FSTL5: variants seen among roughly 807,000 people sequenced by gnomAD.
The protein encoded by FSTL5 is follistatin-related protein 5.
Under a neutral mutation model 89.1 loss-of-function variants are expected in FSTL5, and 62 were observed. The observed-to-expected ratio is 0.70, with a 90% CI of 0.57 to 0.86. FSTL5 has a LOEUF of 0.86. Ranked by LOEUF, FSTL5 falls within the 40% of genes least tolerant of loss-of-function variation. FSTL5 has a pLI of 0.00. For synonymous variants in FSTL5, 383 were observed against 346.2 expected, an observed-to-expected ratio of 1.11 and a Z score of -1.18; for missense variants, 1,057 against 1,001.6, an observed-to-expected ratio of 1.06 and a Z score of -0.75.
intron 15 of FSTL5, among the ~76,000 whole-genome samples, chr4:161,400,173 T>G (rs1354987539): frequency 6.6e-6 from 1 of 152,146 alleles, no homozygotes; most frequent in African/African-American, 2.4e-5. Flanking sequence ...AAAAAATCAG[T>G]GAACCTGTGG....
intron 10 of FSTL5, among the ~76,000 whole-genome samples, chr4:161,511,352 C>A (rs1211795147): frequency 2.0e-5 from 3 of 152,126 alleles, no homozygotes; most frequent in Non-Finnish European, 4.4e-5. Context: ...CAGTTTTCAG[C>A]ATCTGCTATA....
chr4:161,860,112 C>T (rs1276339937), intron 4 of FSTL5, among the ~76,000 whole-genome samples: 5 of 151,962 alleles, frequency 3.3e-5, no homozygotes, highest in Non-Finnish European at 7.4e-5. Flanking sequence ...CGCAGTGAAA[C>T]CCCGTCTCTA....
At chr4:161,833,706 C>T (rs1730929191) in intron 4 of FSTL5, among the ~76,000 whole-genome samples, 1 of 151,906 alleles carries the variant, frequency 6.6e-6, no homozygotes, top group South Asian at 2.1e-4. Flanking sequence ...ATTGCAACCC[C>T]TGCCTTTTTT....
At chr4:161,867,326 TATTTA>T (rs1347881320) in intron 4 of FSTL5, among the ~76,000 whole-genome samples, 1 of 152,080 alleles carries the variant, frequency 6.6e-6, no homozygotes, top group African/African-American at 2.4e-5. Flanking sequence ...GGTATTGATA[TATTTA>T]ATTTATCAGT....
At chr4:161,729,190 A>C (rs1739518697) in intron 6 of FSTL5, among the ~76,000 whole-genome samples, 1 of 152,172 alleles carries the variant, frequency 6.6e-6, no homozygotes, top group Non-Finnish European at 1.5e-5. Flanking sequence ...CTACAATTCA[A>C]GGTATCTTTT....
intron 4 of FSTL5, among the ~76,000 whole-genome samples, chr4:161,862,426 CAAG>C (rs1731946817): frequency 6.6e-6 from 1 of 152,046 alleles, no homozygotes; most frequent in Non-Finnish European, 1.5e-5. Context: ...GGAATGATTA[CAAG>C]AAGTCACTAT....
intron 6 of FSTL5, among the ~76,000 whole-genome samples, chr4:161,755,429 T>C (rs980220362): frequency 9.9e-5 from 15 of 152,100 alleles, no homozygotes; most frequent in African/African-American, 3.6e-4. Flanking sequence ...CGGATTACCC[T>C]TTACTATCTT....
intron 8 of FSTL5, among the ~76,000 whole-genome samples, chr4:161,569,981 C>G (rs986624875): frequency 6.6e-6 from 1 of 152,124 alleles, no homozygotes; most frequent in Non-Finnish European, 1.5e-5. Context: ...TTTCCAGAAC[C>G]AGGAGCTAAT....
chr4:161,789,674 T>C (rs997396629), intron 4 of FSTL5, among the ~76,000 whole-genome samples: 9 of 152,360 alleles, frequency 5.9e-5, no homozygotes, highest in African/African-American at 2.2e-4. Flanking sequence ...TGTTCATTTC[T>C]ATCCACATGA....
chr4:161,859,822 A>G (rs1731843342), intron 4 of FSTL5, among the ~76,000 whole-genome samples: 1 of 152,138 alleles, frequency 6.6e-6, no homozygotes, highest in African/African-American at 2.4e-5. Context: ...AGTGTGTTGG[A>G]AGGAAGTAGG....
At chr4:161,744,529 A>T (rs777444478) in intron 6 of FSTL5, among the ~76,000 whole-genome samples, 1 of 152,126 alleles carries the variant, frequency 6.6e-6, no homozygotes, top group Admixed American at 6.6e-5. Context: ...ACCATATATA[A>T]ATATTCATAT....
At chr4:161,399,258 A>T (rs1447966124) in intron 15 of FSTL5, among the ~76,000 whole-genome samples, 2 of 151,814 alleles carry the variant, frequency 1.3e-5, no homozygotes, top group East Asian at 3.9e-4. Flanking sequence ...ATAACTTTTC[A>T]CTCCCCAGAA....
At chr4:161,948,905 C>T (rs1041590125) in intron 3 of FSTL5, among the ~76,000 whole-genome samples, 1 of 152,134 alleles carries the variant, frequency 6.6e-6, no homozygotes, top group Non-Finnish European at 1.5e-5. Context: ...TTTTCTCTCA[C>T]AGCTTGTATT....
chr4:161,576,508 A>T (rs1300675027), intron 8 of FSTL5, among the ~76,000 whole-genome samples: 2 of 152,232 alleles, frequency 1.3e-5, no homozygotes, highest in African/African-American at 2.4e-5. Flanking sequence ...GACCTCAGAA[A>T]TAACACTACA....
At chr4:161,490,938 A>AC (rs70937655) in intron 12 of FSTL5, among the ~76,000 whole-genome samples, 150,868 of 152,170 alleles carry the variant, frequency 0.99, 74,800 homozygotes, top group Middle Eastern at 1. Flanking sequence ...TTTTTAAAAA[A>AC]ATCTTTTTAA....
At chr4:162,118,218 T>C (rs1731720135) in intron 1 of FSTL5, among the ~76,000 whole-genome samples, 1 of 152,120 alleles carries the variant, frequency 6.6e-6, no homozygotes, top group Admixed American at 6.5e-5. Flanking sequence ...AACTCTGTGG[T>C]TGAATTCTAA....
At chr4:161,472,266 C>G (rs141067550) in intron 13 of FSTL5, among the ~76,000 whole-genome samples, 1 of 152,142 alleles carries the variant, frequency 6.6e-6, no homozygotes, top group Non-Finnish European at 1.5e-5. Flanking sequence ...CGTGAGCCAC[C>G]GCACCTGGCC....
intron 3 of FSTL5, among the ~76,000 whole-genome samples, chr4:161,927,369 A>G (rs1323671071): frequency 6.6e-6 from 1 of 151,546 alleles, no homozygotes; most frequent in East Asian, 1.9e-4. Flanking sequence ...CATTTTTTGC[A>G]ATGATTTAAA....
intron 15 of FSTL5, among the ~76,000 whole-genome samples, chr4:161,405,153 A>G (rs531925221): frequency 1.3e-5 from 2 of 152,130 alleles, no homozygotes; most frequent in South Asian, 4.2e-4. Flanking sequence ...GAATTGCTTG[A>G]ACCCGGGAGG....
Sources: allele counts gnomAD v4.1 joint callset (sites outside exome capture counted in the v4.1 genomes callset), GRCh38; gene constraint gnomAD v4.1.1; transcripts MANE v1.5; gene names NCBI Gene and HGNC (gene_info 2026-07-23, HGNC 2026-07-21).